The following THSD4 variants were observed in gnomAD, a reference collection of about 807,000 sequenced individuals.
THSD4 encodes thrombospondin type 1 domain containing 4.
A neutral mutation model predicts 119.0 loss-of-function variants in THSD4; 69 were observed. The ratio of observed to expected loss-of-function variants is 0.58; its 90% CI spans 0.48 to 0.71. THSD4 has a LOEUF of 0.71. Ranked by LOEUF, THSD4 falls within the 30% of genes least tolerant of loss-of-function variation. The pLI, the probability that THSD4 is intolerant of heterozygous loss-of-function variation, is 0.00. For synonymous variants in THSD4, 524 were observed against 540.4 expected (o/e 0.97, Z 0.42); for missense variants, 1,393 against 1,391.1 (o/e 1.00, Z -0.02).
intron 7 of THSD4, among the ~76,000 whole-genome samples, chr15:71,441,752 T>C (rs1385411875): frequency 6.6e-6 from 1 of 152,042 alleles, no homozygotes; most frequent in African/African-American, 2.4e-5. Flanking sequence ...ACCCTGCCTC[T>C]CAGGAGCTGG....
chr15:71,374,338 AG>A (rs2046102183), intron 6 of THSD4, among the ~76,000 whole-genome samples: 2 of 152,348 alleles, frequency 1.3e-5, no homozygotes, highest in South Asian at 4.1e-4. Flanking sequence ...AGTATGCATC[AG>A]GGTGTGCTAT....
intron 7 of THSD4, among the ~76,000 whole-genome samples, chr15:71,463,587 G>A (rs944872500): frequency 6.6e-6 from 1 of 152,136 alleles, no homozygotes; most frequent in Non-Finnish European, 1.5e-5. Context: ...AAGGAAATGG[G>A]GCAAGCTGGG....
At chr15:71,492,649 G>A (rs1002099737) in intron 7 of THSD4, among the ~76,000 whole-genome samples, 2 of 152,124 alleles carry the variant, frequency 1.3e-5, no homozygotes, top group Non-Finnish European at 1.5e-5. Context: ...CCAACTCCAT[G>A]AGCCTGAAAG....
At chr15:71,579,467 G>A (rs1054310570) in intron 7 of THSD4, among the ~76,000 whole-genome samples, 1 of 152,238 alleles carries the variant, frequency 6.6e-6, no homozygotes, top group Non-Finnish European at 1.5e-5. Flanking sequence ...AGAAGAGGGA[G>A]AGCATAGGTG....
intron 1 of THSD4, among the ~76,000 whole-genome samples, chr15:71,128,557 T>G (rs906969121): frequency 1.4e-5 from 2 of 144,196 alleles, no homozygotes; most frequent in Non-Finnish European, 3.0e-5. Flanking sequence ...TAACAAAAGA[T>G]CTAACATTTT....
chr15:71,159,419 TAAC>T, intron 3 of THSD4, among the ~76,000 whole-genome samples: 1 of 152,334 alleles, frequency 6.6e-6, no homozygotes, highest in Middle Eastern at 3.4e-3. Context: ...ATGGCCATTT[TAAC>T]AACATTAATT....
In THSD4 at chr15:71,313,802, C is replaced by T. The variant is rs975600432; in HGVS notation, c.1015+57087C>T. ...TCCCTCCATCTCCGCAGGTTTGTAC[C>T]GACTGGGGGCTCTCCGTAGCTTTCA... On this transcript the variant is annotated intron_variant, in intron 6 of 17. Coordinates refer to ENST00000261862, the MANE Select transcript of THSD4 (RefSeq NM_024817.3). Among the ~76,000 whole-genome samples the T allele has an allele frequency of 2.6e-5, 4 of 152,252 alleles. No homozygotes were observed. The East Asian group carries it at 5.8e-4, about 22-fold the overall frequency.
In THSD4 at chr15:71,441,640, G is replaced by A. The variant is rs1305091473; in HGVS notation, c.1152+29817G>A. 4.6e-5 allele frequency among the ~76,000 whole-genome samples: 7 copies of A among 151,920 alleles called. No homozygotes were observed. The East Asian group carries it at 5.8e-4, about 13-fold the overall frequency. On this transcript the variant is annotated intron_variant, in intron 7 of 17. Coordinates refer to ENST00000261862, the MANE Select transcript of THSD4 (RefSeq NM_024817.3). The stretch of plus-strand genomic sequence containing the variant: ...GAACTGCTGACCTCGTAATCTGCCC[G>A]CCTTGGCCTCACAAAGTGCTGGCAT...
At chr15:71,498,859 CT>C (rs56282942) in intron 7 of THSD4, among the ~76,000 whole-genome samples, 103,236 of 121,306 alleles carry the variant, frequency 0.85, 43,803 homozygotes, top group Middle Eastern at 0.92. Context: ...CCACATTGTA[CT>C]TTTTTTTTTT....
chr15:71,173,189 G>C (rs1392841208), intron 3 of THSD4, among the ~76,000 whole-genome samples: 4 of 151,814 alleles, frequency 2.6e-5, no homozygotes, highest in Non-Finnish European at 5.9e-5. Context: ...AGGATACAAG[G>C]TCAACATGCA....
chr15:71,491,601 G>T (rs2047920516), intron 7 of THSD4, among the ~76,000 whole-genome samples: 1 of 152,190 alleles, frequency 6.6e-6, no homozygotes, highest in Non-Finnish European at 1.5e-5. Flanking sequence ...GCCCAGCATG[G>T]TGGCTCACGC....
intron 7 of THSD4, among the ~76,000 whole-genome samples, chr15:71,608,169 G>C (rs576046139): frequency 7.1e-4 from 105 of 148,526 alleles, no homozygotes; most frequent in African/African-American, 2.3e-3. Context: ...GTTGCGGTGA[G>C]CTGAGATCGC....
chr15:71,513,538 G>A (rs1413084846), intron 7 of THSD4, among the ~76,000 whole-genome samples: 5 of 152,110 alleles, frequency 3.3e-5, no homozygotes, highest in East Asian at 1.9e-4. Context: ...AAATGCAAAC[G>A]AAAACCTCCT....
intron 6 of THSD4, among the ~76,000 whole-genome samples, chr15:71,305,287 G>A (rs1033397242): frequency 6.6e-6 from 1 of 152,046 alleles, no homozygotes; most frequent in African/African-American, 2.4e-5. Flanking sequence ...GAGTCTAAGA[G>A]GACCCCCTGC....
chr15:71,277,274 C>A (rs1482119115), intron 6 of THSD4, among the ~76,000 whole-genome samples: 1 of 151,850 alleles, frequency 6.6e-6, no homozygotes, highest in African/African-American at 2.4e-5. Context: ...TACAGGCGCC[C>A]GCCACCACGC....
intron 6 of THSD4, among the ~76,000 whole-genome samples, chr15:71,279,746 G>A (rs941967820): frequency 6.6e-6 from 1 of 151,230 alleles, no homozygotes; most frequent in Non-Finnish European, 1.5e-5. Flanking sequence ...AAGCGAATTC[G>A]AGTTCACACA....
intron 7 of THSD4, among the ~76,000 whole-genome samples, chr15:71,643,045 C>T (rs1435746654): frequency 6.6e-6 from 1 of 152,176 alleles, no homozygotes; most frequent in Non-Finnish European, 1.5e-5. Context: ...ACAATTTACT[C>T]AACTGCCTCA....
intron 4 of THSD4, among the ~76,000 whole-genome samples, chr15:71,242,193 AT>A (rs2044158817): frequency 6.6e-6 from 1 of 152,194 alleles, no homozygotes; most frequent in South Asian, 2.1e-4. Context: ...GGTCTGAAAT[AT>A]CACAGTTAGT....
chr15:71,691,285 A>C (rs1039092901), intron 8 of THSD4, among the ~76,000 whole-genome samples: 4 of 152,252 alleles, frequency 2.6e-5, no homozygotes, highest in Non-Finnish European at 5.9e-5. Flanking sequence ...CAGAACTGCA[A>C]GATAATACAT....
Sources: gnomAD v4.1 joint callset for allele counts (sites outside exome capture counted in the v4.1 genomes callset) on GRCh38, gnomAD v4.1.1 for gene constraint, MANE v1.5 for transcripts, NCBI Gene and HGNC (gene_info 2026-07-23, HGNC 2026-07-21) for gene names.